MAP4K3: variants seen among roughly 807,000 people sequenced by gnomAD.
MAP4K3 encodes MAPK/ERK kinase kinase kinase 3.
MAP4K3 carries 94 observed loss-of-function variants against 143.5 expected under a neutral mutation model. That is an observed-to-expected ratio of 0.65 (90% CI 0.55 to 0.78). The LOEUF is 0.78. MAP4K3 is among the 30% of genes least tolerant of loss of function. MAP4K3 has a pLI of 0.00. For synonymous variants in MAP4K3, 416 were observed against 347.2 expected (o/e 1.20, Z -2.20); for missense variants, 1,077 against 1,068.1 (o/e 1.01, Z -0.12).
intron 16 of MAP4K3, among the ~76,000 whole-genome samples, chr2:39,298,982 A>AAAC (rs373128455): frequency 1.3e-5 from 2 of 150,798 alleles, no homozygotes; most frequent in Admixed American, 6.6e-5. Context: ...AAAAAAAAAA[A>AAAC]GGAATTTTAA....
chr2:39,283,557 G>C (rs1681632304), intron 21 of MAP4K3: 1 of 151,948 alleles, frequency 6.6e-6, no homozygotes, highest in Admixed American at 6.6e-5. Flanking sequence ...ACAACAAATA[G>C]TTTCTCCTTG....
intron 15 of MAP4K3, among the ~76,000 whole-genome samples, chr2:39,302,798 T>C (rs766893419): frequency 7.9e-5 from 12 of 152,204 alleles, no homozygotes; most frequent in Non-Finnish European, 1.3e-4. Flanking sequence ...GCTGAAAACA[T>C]GCAATAACCT....
Position 39,395,328 on chromosome 2 carries a change from T to TACAC in MAP4K3, c.97-17209_97-17206dup, listed in dbSNP as rs10549757. On this transcript the variant is annotated intron_variant, in intron 1 of 33. Transcript: ENST00000263881. ...CAAACAACCTACATGCACGTACACA[T>TACAC]ACACACACACACACACACACACACA... 1.7e-4 allele frequency among the ~76,000 whole-genome samples: 25 copies of TACAC among 149,800 alleles called. No individual in the cohort carries two copies. The South Asian group carries it at 2.1e-3, about 13-fold the overall frequency.
intron 1 of MAP4K3, among the ~76,000 whole-genome samples, chr2:39,404,809 C>T (rs1015819965): frequency 6.6e-5 from 10 of 151,988 alleles, no homozygotes; most frequent in African/African-American, 1.4e-4. Context: ...TTAGCAGAGA[C>T]GGGGTTTCTC....
chr2:39,320,601 A>G (rs956155420), intron 12 of MAP4K3, among the ~76,000 whole-genome samples: 1 of 151,966 alleles, frequency 6.6e-6, no homozygotes. Context: ...GTGCACTGCC[A>G]ACTTCATACA....
At chr2:39,339,223 C>T (rs554321421) in intron 4 of MAP4K3, among the ~76,000 whole-genome samples, 106 of 152,074 alleles carry the variant, frequency 7.0e-4, no homozygotes, top group African/African-American at 2.4e-3. Context: ...TTTTAAGGAC[C>T]GGGTTGGGTT....
At chr2:39,365,505 C>T (rs1047640577) in intron 2 of MAP4K3, among the ~76,000 whole-genome samples, 2 of 133,948 alleles carry the variant, frequency 1.5e-5, no homozygotes, top group Admixed American at 8.6e-5. Context: ...ACTGCAGTGG[C>T]GCAATCTCGG....
chr2:39,394,335 A>T (rs1362781896), intron 1 of MAP4K3, among the ~76,000 whole-genome samples: 1 of 152,236 alleles, frequency 6.6e-6, no homozygotes, highest in African/African-American at 2.4e-5. Context: ...GACACGTTGC[A>T]CTACAGCAAG....
chr2:39,410,246 A>G (rs1437620070), intron 1 of MAP4K3, among the ~76,000 whole-genome samples: 1 of 152,212 alleles, frequency 6.6e-6, no homozygotes, highest in Non-Finnish European at 1.5e-5. Context: ...TACACATAAG[A>G]GGCAGCTGAA....
intron 26 of MAP4K3, among the ~76,000 whole-genome samples, chr2:39,268,632 C>CTTTTT (rs1389888924): frequency 2.5e-3 from 115 of 45,570 alleles, no homozygotes; most frequent in Non-Finnish European, 4.1e-3. Flanking sequence ...AAGATTTTTT[C>CTTTTT]TATTTTTTTT....
chr2:39,406,039 C>T (rs1667084140), intron 1 of MAP4K3, among the ~76,000 whole-genome samples: 1 of 151,856 alleles, frequency 6.6e-6, no homozygotes, highest in Admixed American at 6.6e-5. Flanking sequence ...TTAACAAAGA[C>T]ACTGAAATAA....
At chr2:39,407,587 C>T (rs891973363) in intron 1 of MAP4K3, among the ~76,000 whole-genome samples, 2 of 151,984 alleles carry the variant, frequency 1.3e-5, no homozygotes, top group African/African-American at 4.8e-5. Flanking sequence ...TTTTATAGAG[C>T]GAGAGACAGG....
At chr2:39,429,526 G>A (rs143420025) in intron 1 of MAP4K3, among the ~76,000 whole-genome samples, 1 of 152,284 alleles carries the variant, frequency 6.6e-6, no homozygotes, top group African/African-American at 2.4e-5. Flanking sequence ...TAACTGTATT[G>A]TGCCAACTAA....
At chr2:39,341,579 C>T (rs919373711) in intron 4 of MAP4K3, among the ~76,000 whole-genome samples, 1 of 151,836 alleles carries the variant, frequency 6.6e-6, no homozygotes, top group African/African-American at 2.4e-5. Flanking sequence ...TCACTTGAAC[C>T]CGGGAGGTGG....
chr2:39,423,156 A>G (rs1240341961), intron 1 of MAP4K3, among the ~76,000 whole-genome samples: 2 of 152,250 alleles, frequency 1.3e-5, no homozygotes. Flanking sequence ...GATAGCAAAT[A>G]TGCATAGGAA....
intron 18 of MAP4K3, among the ~76,000 whole-genome samples, chr2:39,292,066 T>C (rs1400880449): frequency 6.6e-6 from 1 of 151,898 alleles, no homozygotes; most frequent in Non-Finnish European, 1.5e-5. Flanking sequence ...CATCAATGCA[T>C]ACATAATAGT....
At chr2:39,288,781 G>A (rs1042007252) in intron 19 of MAP4K3, among the ~76,000 whole-genome samples, 1 of 152,172 alleles carries the variant, frequency 6.6e-6, no homozygotes, top group African/African-American at 2.4e-5. Flanking sequence ...GGCCGGGTGC[G>A]GTGGCTCACG....
chr2:39,427,755 G>C (rs925739767), intron 1 of MAP4K3, among the ~76,000 whole-genome samples: 1 of 152,176 alleles, frequency 6.6e-6, no homozygotes, highest in Non-Finnish European at 1.5e-5. Context: ...ACCCAAGCAC[G>C]TTAGAGAAAA....
chr2:39,294,280 A>G (rs552261654), intron 16 of MAP4K3: 12 of 152,338 alleles, frequency 7.9e-5, no homozygotes, highest in African/African-American at 2.9e-4. Flanking sequence ...ATCTACTGTA[A>G]GCAATTAACA....
Sources: gnomAD v4.1 joint callset for allele counts (sites outside exome capture counted in the v4.1 genomes callset) on GRCh38, gnomAD v4.1.1 for gene constraint, MANE v1.5 for transcripts, NCBI Gene and HGNC (gene_info 2026-07-23, HGNC 2026-07-21) for gene names.